Variants in GAB1 observed in about 807,000 individuals in gnomAD.
GAB1 encodes GRB2-associated-binding protein 1.
In GAB1, 19 loss-of-function variants were observed where a neutral mutation model predicts 66.5. The observed-to-expected ratio is 0.29, with a 90% confidence interval of 0.20 to 0.42. GAB1 has a LOEUF of 0.42. Ranked by LOEUF, GAB1 falls within the 10% of genes least tolerant of loss-of-function variation. The pLI is 1.00. For synonymous variants in GAB1, 294 were observed against 301.4 expected (o/e 0.98, Z 0.25); for missense variants, 732 against 858.5 (o/e 0.85, Z 1.84).
chr4:143,375,457 T>A, intron 1 of GAB1, among the ~76,000 whole-genome samples: 1 of 152,068 alleles, frequency 6.6e-6, no homozygotes, highest in Non-Finnish European at 1.5e-5. Flanking sequence ...GACCATTCCA[T>A]CTCCTTCACT....
chr4:143,341,989 T>C (rs28448391), intron 1 of GAB1, among the ~76,000 whole-genome samples: 16,892 of 152,274 alleles, frequency 0.11, 1,847 homozygotes, highest in African/African-American at 0.29. Flanking sequence ...AATTATTCTA[T>C]TGAAGGAAAT....
chr4:143,440,126 G>A lies in GAB1; in HGVS notation c.1329G>A (p.Leu443=). ...TGGGAAGTGTTTCAAGTGAAGAACT[G>A]GATGAAAATTACGTCCCAATGAATC... ...LTVGSVSSEE[L]DENYVPMNPN... Residue 443 remains leucine, a synonymous_variant, in exon 6 of 10, where the codon CTG becomes CTA. Coordinates refer to ENST00000262994, the MANE Select transcript of GAB1 (RefSeq NM_002039.4). The A allele has an allele frequency of 6.2e-7, 1 of 1,614,140 alleles. No homozygotes were observed. The highest frequency in any genetic ancestry group is 8.5e-7 in the Non-Finnish European group (1 of 1,180,002).
intron 1 of GAB1, among the ~76,000 whole-genome samples, chr4:143,351,100 T>C (rs1729196046): frequency 6.6e-6 from 1 of 152,228 alleles, no homozygotes; most frequent in Non-Finnish European, 1.5e-5. Context: ...GGGCGTGTGT[T>C]ACGGGGTGCT....
chr4:143,402,012 T>A (rs562018215), intron 1 of GAB1, among the ~76,000 whole-genome samples: 23 of 152,254 alleles, frequency 1.5e-4, no homozygotes, highest in African/African-American at 5.5e-4. Context: ...GGCACAGACA[T>A]TTAAAATTTA....
In GAB1 at chr4:143,446,147, T is replaced by C. The variant is rs1470712861; in HGVS notation, c.1585+5765T>C. Reference sequence around the variant, plus strand: ...CTCATCATTTTTTATGGCTGCATAGTATTCCATGGTGTATATGTGCCACAT... The same window carrying C: ...CTCATCATTTTTTATGGCTGCATAGCATTCCATGGTGTATATGTGCCACAT... On this transcript the variant is annotated intron_variant, in intron 6 of 9. Transcript: ENST00000262994. Among the ~76,000 whole-genome samples, 8 of 152,078 alleles carry C rather than the reference T, an allele frequency of 5.3e-5. No homozygotes were observed. In the East Asian group the frequency reaches 1.2e-3, roughly 22 times the overall value.
intron 6 of GAB1, among the ~76,000 whole-genome samples, chr4:143,457,393 A>G (rs1175937583): frequency 3.3e-5 from 5 of 152,176 alleles, no homozygotes; most frequent in Non-Finnish European, 5.9e-5. Context: ...CCAAATGAAG[A>G]TAACAACTAA....
chr4:143,457,847 T>C (rs1439029163), intron 6 of GAB1: 7 of 776,042 alleles, frequency 9.0e-6, no homozygotes, highest in African/African-American at 1.9e-5. Context: ...TTTCTAAAAA[T>C]AAAGAAGAAC....
At chr4:143,361,486 T>C (rs1292282999) in intron 1 of GAB1, among the ~76,000 whole-genome samples, 1 of 152,160 alleles carries the variant, frequency 6.6e-6, no homozygotes, top group Non-Finnish European at 1.5e-5. Context: ...TTACAAGCAA[T>C]AGACATCTCT....
chr4:143,344,269 G>A lies in GAB1; in HGVS notation c.72+7009G>A, dbSNP rs578200728. The stretch of plus-strand genomic sequence containing the variant: ...GCTGTGTGAGTGCCAGCTCGTGTTG[G>A]GGGGGAGAGAATAACACCAACGGAT... On this transcript the variant is annotated intron_variant, in intron 1 of 9. Coordinates refer to ENST00000262994, the MANE Select transcript of GAB1 (RefSeq NM_002039.4). Among the ~76,000 whole-genome samples the A allele has an allele frequency of 9.2e-5, 14 of 152,058 alleles. No individual in the cohort carries two copies. In the East Asian group the frequency reaches 1.2e-3, roughly 13 times the overall value.
intron 1 of GAB1, chr4:143,380,480 C>A (rs1266278011): frequency 1.3e-5 from 2 of 151,986 alleles, no homozygotes; most frequent in Non-Finnish European, 2.9e-5. Context: ...TCCCATAGTT[C>A]TGCCTCAAAT....
intron 2 of GAB1, among the ~76,000 whole-genome samples, chr4:143,427,578 T>A (rs1733432588): frequency 6.6e-6 from 1 of 152,084 alleles, no homozygotes; most frequent in Non-Finnish European, 1.5e-5. Flanking sequence ...TTTACCCTTT[T>A]TCCGGCATGT....
intron 6 of GAB1, among the ~76,000 whole-genome samples, chr4:143,456,265 G>A (rs1735184221): frequency 6.6e-6 from 1 of 152,116 alleles, no homozygotes; most frequent in African/African-American, 2.4e-5. Context: ...AGACCATCCT[G>A]GCTAACACGG....
At chr4:143,377,906 A>G (rs937075120) in intron 1 of GAB1, among the ~76,000 whole-genome samples, 5 of 152,218 alleles carry the variant, frequency 3.3e-5, no homozygotes, top group Middle Eastern at 3.2e-3. Flanking sequence ...AGCCACGTTC[A>G]TGTGTTTTAA....
chr4:143,421,698 C>CTTTTT (rs70953733), intron 2 of GAB1, among the ~76,000 whole-genome samples: 189 of 118,360 alleles, frequency 1.6e-3, no homozygotes, highest in Middle Eastern at 5.2e-3. Context: ...CTTTTCTTTT[C>CTTTTT]TTTTTTTTTT....
chr4:143,413,769 AC>A (rs1167437314), intron 1 of GAB1, among the ~76,000 whole-genome samples: 1 of 148,500 alleles, frequency 6.7e-6, no homozygotes, highest in East Asian at 1.9e-4. Flanking sequence ...GTTTTATTCC[AC>A]TGGGGGTTTT....
At chr4:143,456,391 A>G (rs1490747751) in intron 6 of GAB1, among the ~76,000 whole-genome samples, 2 of 151,216 alleles carry the variant, frequency 1.3e-5, no homozygotes, top group Non-Finnish European at 2.9e-5. Flanking sequence ...TGGGAGGCAG[A>G]GCTTGCGGTG....
chr4:143,460,722 C>T (rs1275271660), intron 8 of GAB1, among the ~76,000 whole-genome samples: 2 of 150,512 alleles, frequency 1.3e-5, no homozygotes, highest in African/African-American at 2.4e-5. Flanking sequence ...GCAGCACAAC[C>T]CTGTAGTTTC....
intron 1 of GAB1, among the ~76,000 whole-genome samples, chr4:143,350,882 AGGT>A (rs1729181717): frequency 6.6e-6 from 1 of 152,188 alleles, no homozygotes; most frequent in Non-Finnish European, 1.5e-5. Context: ...TTTTTAGTAG[AGGT>A]GGGTAGGTGA....
chr4:143,389,733 A>G (rs1048052549), intron 1 of GAB1, among the ~76,000 whole-genome samples: 10 of 152,352 alleles, frequency 6.6e-5, no homozygotes, highest in African/African-American at 2.4e-4. Context: ...CTCATCAAAC[A>G]GTAAGTGCTC....
Sources: allele counts gnomAD v4.1 joint callset (sites outside exome capture counted in the v4.1 genomes callset), GRCh38; gene constraint gnomAD v4.1.1; transcripts MANE v1.5; gene names NCBI Gene and HGNC (gene_info 2026-07-23, HGNC 2026-07-21).